The following MCC variants were observed in gnomAD, a reference collection of about 807,000 sequenced individuals.
MCC encodes MCC regulator of Wnt signaling pathway.
MCC carries 90 observed loss-of-function variants against 116.2 expected under a neutral mutation model. The ratio of observed to expected loss-of-function variants is 0.77; its 90% CI spans 0.65 to 0.92. The LOEUF (loss-of-function observed/expected upper bound fraction) is 0.92. MCC is among the 40% of genes least tolerant of loss of function. The probability of loss-of-function intolerance (pLI) is 0.00; values close to 1 mark genes in which losing one functional copy is unlikely to be tolerated. For missense variants in MCC, 1,516 were observed against 1,312.2 expected (o/e 1.16, Z -2.40); for synonymous variants, 578 against 510.5 (o/e 1.13, Z -1.78).
intron 11 of MCC, among the ~76,000 whole-genome samples, chr5:113,077,182 A>C (rs1322006814): frequency 6.6e-6 from 1 of 152,150 alleles, no homozygotes; most frequent in Non-Finnish European, 1.5e-5. Context: ...CTACAAAGAG[A>C]CTTAGACTCC....
At chr5:113,243,441 C>G (rs1324211312) in intron 3 of MCC, among the ~76,000 whole-genome samples, 1 of 152,178 alleles carries the variant, frequency 6.6e-6, no homozygotes, top group Admixed American at 6.5e-5. Context: ...CTCACCTTGA[C>G]CACATTCCCT....
intron 1 of MCC, among the ~76,000 whole-genome samples, chr5:113,389,155 T>A (rs1010186575): frequency 9.9e-5 from 15 of 152,224 alleles, no homozygotes; most frequent in Non-Finnish European, 1.8e-4. Flanking sequence ...AAGAAAATTA[T>A]AAAAGCTCTC....
chr5:113,284,894 A>T (rs1766185963), intron 3 of MCC, among the ~76,000 whole-genome samples: 1 of 152,236 alleles, frequency 6.6e-6, no homozygotes, highest in African/African-American at 2.4e-5. Context: ...GTTGAAGGAA[A>T]TGGGTCCATG....
At chr5:113,130,924 C>G (rs914760188) in intron 5 of MCC, among the ~76,000 whole-genome samples, 1 of 152,138 alleles carries the variant, frequency 6.6e-6, no homozygotes, top group African/African-American at 2.4e-5. Flanking sequence ...AAGACAGGGC[C>G]CCACTCTTCT....
At chr5:113,339,234 A>G (rs1767946750) in intron 3 of MCC, among the ~76,000 whole-genome samples, 1 of 146,560 alleles carries the variant, frequency 6.8e-6, no homozygotes, top group South Asian at 2.1e-4. Flanking sequence ...CTCAAAAAAA[A>G]AAACAAATAG....
intron 3 of MCC, among the ~76,000 whole-genome samples, chr5:113,247,684 A>C (rs1163242848): frequency 1.3e-5 from 2 of 152,170 alleles, no homozygotes; most frequent in African/African-American, 4.8e-5. Context: ...CGGTCCACAG[A>C]GGGACAGATG....
rs868085564 is a variant in MCC, at chr5:113,245,184, C to T, written c.628-93762G>A. Among the ~76,000 whole-genome samples the T allele has an allele frequency of 2.6e-5, 4 of 151,470 alleles. 1 individual carries two copies. The highest frequency in any genetic ancestry group is 6.8e-3 in the Middle Eastern group (2 of 294). On this transcript the variant is annotated intron_variant, in intron 3 of 18. Coordinates refer to ENST00000408903, the MANE Select transcript of MCC (RefSeq NM_001085377.2). Reference sequence around the variant, plus strand: ...TGTGCCTGTAATCCCAGCTATTCACCAGGAGGCCGAGGCAGGAGAACGGCT... The same window carrying T: ...TGTGCCTGTAATCCCAGCTATTCACTAGGAGGCCGAGGCAGGAGAACGGCT...
chr5:113,395,306 A>C (rs950266720), intron 1 of MCC, among the ~76,000 whole-genome samples: 86 of 152,324 alleles, frequency 5.6e-4, no homozygotes, highest in African/African-American at 1.9e-3. Flanking sequence ...TAGGTTTTTA[A>C]ATATCTTCTA....
At chr5:113,461,352 T>C (rs1771736161) in intron 1 of MCC, among the ~76,000 whole-genome samples, 1 of 152,204 alleles carries the variant, frequency 6.6e-6, no homozygotes, top group Non-Finnish European at 1.5e-5. Context: ...ATAGATACTA[T>C]TAAGCTTCCA....
chr5:113,217,634 CAAG>C (rs1288138204), intron 3 of MCC, among the ~76,000 whole-genome samples: 2 of 148,530 alleles, frequency 1.3e-5, no homozygotes, highest in African/African-American at 5.3e-5. Context: ...AGCTGGGAAT[CAAG>C]GAGGAAAGTG....
rs1352502123 is a variant in MCC at position 113,434,195 on chromosome 5, G to C, written c.171-48983C>G. On this transcript the variant is annotated intron_variant, in intron 1 of 18. Transcript: ENST00000408903. This position sits in a 1 kb window ranked among gnomAD's most constrained non-coding sequence, Gnocchi z 4.2. Reference sequence around the variant, plus strand: ...TCTTCTTGATGTTGGAGTCGTCGTAGGGCATGGAGCCGCAGACCATGATGT... The same window carrying C: ...TCTTCTTGATGTTGGAGTCGTCGTACGGCATGGAGCCGCAGACCATGATGT... 1.9e-6 allele frequency: 3 copies of C among 1,614,136 alleles called. No individual in the cohort carries two copies. The highest frequency in any genetic ancestry group is 1.3e-5 in the African/African-American group (1 of 75,036).
chr5:113,296,670 TGCCA>T (rs1482716013), intron 3 of MCC, among the ~76,000 whole-genome samples: 1 of 152,046 alleles, frequency 6.6e-6, no homozygotes, highest in Admixed American at 6.6e-5. Context: ...CAGTTTTAAG[TGCCA>T]TGTTAAAAAA....
At chr5:113,158,432 C>T (rs1391565159) in intron 3 of MCC, among the ~76,000 whole-genome samples, 4 of 152,244 alleles carry the variant, frequency 2.6e-5, no homozygotes, top group Non-Finnish European at 1.5e-5. Context: ...ATGCTTCATA[C>T]ACTTTACCTG....
chr5:113,310,493 A>G (rs1052781953), intron 3 of MCC, among the ~76,000 whole-genome samples: 2 of 152,244 alleles, frequency 1.3e-5, no homozygotes, highest in Admixed American at 1.3e-4. Context: ...AAATGAATGA[A>G]GATAAAGCCT....
intron 1 of MCC, among the ~76,000 whole-genome samples, chr5:113,413,047 G>C (rs1770037507): frequency 6.6e-6 from 1 of 152,108 alleles, no homozygotes; most frequent in Non-Finnish European, 1.5e-5. Flanking sequence ...TTTTGTCGTT[G>C]GTTCTGTTCA....
At chr5:113,236,414 C>T (rs963198202) in intron 3 of MCC, among the ~76,000 whole-genome samples, 1 of 152,152 alleles carries the variant, frequency 6.6e-6, no homozygotes, top group African/African-American at 2.4e-5. Context: ...CTCTTGGAAC[C>T]ACACTCCCAT....
At chr5:113,444,967 G>T (rs1041712231) in intron 1 of MCC, among the ~76,000 whole-genome samples, 2 of 152,160 alleles carry the variant, frequency 1.3e-5, no homozygotes, top group Non-Finnish European at 2.9e-5. Context: ...TTATCCAAGG[G>T]CAGAGCTAGT....
At chr5:113,197,603 T>C in intron 3 of MCC, among the ~76,000 whole-genome samples, 1 of 152,208 alleles carries the variant, frequency 6.6e-6, no homozygotes, top group Non-Finnish European at 1.5e-5. Context: ...CCACTATTTC[T>C]TGGGTCGTGG....
At chr5:113,186,853 T>G (rs890594705) in intron 3 of MCC, among the ~76,000 whole-genome samples, 1 of 152,080 alleles carries the variant, frequency 6.6e-6, no homozygotes, top group African/African-American at 2.4e-5. Context: ...TTGGGAACAA[T>G]GTCTGCAGAC....
Sources: allele counts gnomAD v4.1 joint callset (sites outside exome capture counted in the v4.1 genomes callset), GRCh38; gene constraint gnomAD v4.1.1; non-coding constraint Gnocchi (gnomAD v3.1); transcripts MANE v1.5; gene names NCBI Gene and HGNC (gene_info 2026-07-23, HGNC 2026-07-21).